GPR141: variants seen among roughly 807,000 people sequenced by gnomAD.
The protein encoded by GPR141 is G protein-coupled receptor 141, also known as probable G protein-coupled receptor 141.
In GPR141, 6 loss-of-function variants were observed where a neutral mutation model predicts 6.8. That is an observed-to-expected ratio of 0.88 (90% CI 0.48 to 1.74). GPR141 has a LOEUF of 1.74. GPR141 is among the 40% of genes most tolerant of loss of function. The pLI is 0.01. For missense variants in GPR141, 372 were observed against 372.9 expected, an observed-to-expected ratio of 1.00 and a Z score of 0.02; for synonymous variants, 140 against 142.3, an observed-to-expected ratio of 0.98 and a Z score of 0.11.
intron 2 of GPR141, among the ~76,000 whole-genome samples, chr7:37,704,244 C>T (rs1172910400): frequency 1.3e-5 from 2 of 150,760 alleles, no homozygotes; most frequent in Non-Finnish European, 3.0e-5. Flanking sequence ...TTTTTTTTTC[C>T]AAGTGTTTTC....
At chr7:37,685,095 C>T (rs911956882) in intron 1 of GPR141, 4 of 152,144 alleles carry the variant, frequency 2.6e-5, no homozygotes, top group Non-Finnish European at 4.4e-5. Flanking sequence ...ACTATAAAAA[C>T]CATTCGTAGC....
intron 2 of GPR141, among the ~76,000 whole-genome samples, chr7:37,708,665 G>A (rs780691373): frequency 1.3e-5 from 2 of 152,106 alleles, no homozygotes; most frequent in Non-Finnish European, 2.9e-5. Flanking sequence ...TACTGACCTC[G>A]TACAGACAGG....
At chr7:37,707,142 G>T (rs1810561901) in intron 2 of GPR141, among the ~76,000 whole-genome samples, 1 of 152,068 alleles carries the variant, frequency 6.6e-6, no homozygotes, top group Non-Finnish European at 1.5e-5. Flanking sequence ...GTAACCTCAG[G>T]TCCTGAACCT....
At chr7:37,732,274 A>G (rs1811999155) in intron 2 of GPR141, among the ~76,000 whole-genome samples, 1 of 137,860 alleles carries the variant, frequency 7.3e-6, no homozygotes, top group Non-Finnish European at 1.6e-5. Flanking sequence ...GGTTTTTGTC[A>G]TTGCTTTGAA....
chr7:37,695,461 G>A (rs912384722), intron 2 of GPR141, among the ~76,000 whole-genome samples: 3 of 152,190 alleles, frequency 2.0e-5, no homozygotes, highest in Admixed American at 2.0e-4. Context: ...GGCAAGGTCT[G>A]TAGATGTCCA....
chr7:37,684,564 C>T (rs1809417576), intron 1 of GPR141, among the ~76,000 whole-genome samples: 1 of 151,980 alleles, frequency 6.6e-6, no homozygotes, highest in African/African-American at 2.4e-5. Flanking sequence ...CTTTCTATAC[C>T]AGTATTTTCT....
chr7:37,731,310 T>G (rs1811921147), intron 2 of GPR141, among the ~76,000 whole-genome samples: 1 of 152,232 alleles, frequency 6.6e-6, no homozygotes, highest in African/African-American at 2.4e-5. Context: ...GGGAGGTGAT[T>G]GTCCAGCTCT....
At chr7:37,725,469 G>T (rs1393364499) in intron 2 of GPR141, among the ~76,000 whole-genome samples, 1 of 152,156 alleles carries the variant, frequency 6.6e-6, no homozygotes, top group Non-Finnish European at 1.5e-5. Context: ...TCTAACCAGG[G>T]AGTTTCCTGC....
intron 2 of GPR141, among the ~76,000 whole-genome samples, chr7:37,729,388 A>G (rs1213652168): frequency 6.6e-6 from 1 of 152,172 alleles, no homozygotes; most frequent in Admixed American, 6.5e-5. Context: ...CTGGGTTTGC[A>G]GTTTATTTCT....
At chr7:37,685,888 C>G (rs767404522) in intron 2 of GPR141, among the ~76,000 whole-genome samples, 1 of 151,604 alleles carries the variant, frequency 6.6e-6, no homozygotes, top group Non-Finnish European at 1.5e-5. Context: ...AATCAATGAG[C>G]CTGTGAAATG....
At chr7:37,713,326 T>C (rs1354101031) in intron 2 of GPR141, 1 of 152,210 alleles carries the variant, frequency 6.6e-6, no homozygotes, top group Non-Finnish European at 1.5e-5. Context: ...TTTATTGTTA[T>C]TTTTTATTTT....
chr7:37,709,685 G>T (rs1403084042), intron 2 of GPR141: 1 of 152,094 alleles, frequency 6.6e-6, no homozygotes, highest in Non-Finnish European at 1.5e-5. Flanking sequence ...ACTTTGCATG[G>T]TCACTTTACG....
chr7:37,719,918 G>C (rs931022414), intron 2 of GPR141, among the ~76,000 whole-genome samples: 1 of 152,160 alleles, frequency 6.6e-6, no homozygotes, highest in Non-Finnish European at 1.5e-5. Context: ...AGGCAAGGAT[G>C]GGGGAGCCAG....
intron 2 of GPR141, chr7:37,713,589 A>G (rs558554428): frequency 6.6e-6 from 1 of 152,282 alleles, no homozygotes; most frequent in Non-Finnish European, 1.5e-5. Context: ...TGTGTTCCTC[A>G]TGCTTCCAAA....
intron 2 of GPR141, among the ~76,000 whole-genome samples, chr7:37,710,492 T>C (rs977554052): frequency 5.9e-5 from 9 of 152,226 alleles, no homozygotes; most frequent in Non-Finnish European, 1.2e-4. Context: ...TTGAAAAACC[T>C]ATCATCTTGC....
rs564097328 is a variant in GPR141 at position 37,708,423 on chromosome 7, T to G, written c.-15+22840T>G. ...TTTTTGTACTAGGAAGACACATTTC[T>G]TCCTCTATGCTTTAGAAGAAGTACT... On this transcript the variant is annotated intron_variant, in intron 2 of 2. Coordinates refer to ENST00000334425, the MANE Select transcript of GPR141 (RefSeq NM_001381946.1). Among the ~76,000 whole-genome samples, 32 of 152,152 alleles carry G rather than the reference T, an allele frequency of 2.1e-4. No individual in the cohort carries two copies. In the South Asian group the frequency reaches 6.2e-3, roughly 30 times the overall value.
rs58504038 is a variant in GPR141, at chr7:37,741,624, A to G, written c.*313A>G. Among the ~76,000 whole-genome samples, 2,059 of 152,304 alleles carry G rather than the reference A, an allele frequency of 0.014. 46 individuals are homozygous for G. The highest frequency in any genetic ancestry group is 0.047 in the African/African-American group (1,936 of 41,548). ...AAGAGTTTTAGAGTTTCATTAGCTCATTCTAAGTTCCTCTGTTTGAAGCAT... is the reference window on the plus strand; with the variant it reads ...AAGAGTTTTAGAGTTTCATTAGCTCGTTCTAAGTTCCTCTGTTTGAAGCAT... On this transcript the variant is annotated 3_prime_UTR_variant, in exon 3 of 3. Transcript: ENST00000334425.
intron 2 of GPR141, among the ~76,000 whole-genome samples, chr7:37,702,739 A>AAAT (rs1562771292): frequency 7.7e-4 from 115 of 149,730 alleles, no homozygotes; most frequent in Middle Eastern, 3.4e-3. Flanking sequence ...AGTATAATAA[A>AAAT]AAATAAATAA....
Position 37,741,361 on chromosome 7 carries a change from T to C in GPR141, c.*50T>C. 7.5e-7 allele frequency: 1 copy of C among 1,340,812 alleles called. No homozygotes were observed. Among genetic ancestry groups the C allele is most frequent in the Non-Finnish European group, 1.0e-6 (1 of 970,684 alleles). The allele number at this position is 1,340,812 out of a possible 1,614,324, so 83.1% of individuals were successfully genotyped here. A position where few individuals can be genotyped will look rare whatever the true frequency, so the allele number is the denominator to read the frequency against. On this transcript the variant is annotated 3_prime_UTR_variant, in exon 3 of 3. Transcript: ENST00000334425. ...GCTTCCTTTATATTGGGAATAAAAA[T>C]GGGTATAGGGGAGGTAAGAATGGTA...
Sources: allele counts gnomAD v4.1 joint callset (sites outside exome capture counted in the v4.1 genomes callset), GRCh38; gene constraint gnomAD v4.1.1; transcripts MANE v1.5; gene names NCBI Gene and HGNC (gene_info 2026-07-23, HGNC 2026-07-21).